The following HHIPL1 variants were observed in gnomAD, a reference collection of about 807,000 sequenced individuals.
HHIPL1 encodes HHIP like 1.
Under a neutral mutation model 61.8 loss-of-function variants are expected in HHIPL1, and 43 were observed. That is an observed-to-expected ratio of 0.70 (90% CI 0.55 to 0.90). The LOEUF (loss-of-function observed/expected upper bound fraction) is 0.90. Ranked by LOEUF, HHIPL1 falls within the 40% of genes least tolerant of loss-of-function variation. The probability of loss-of-function intolerance (pLI) is 0.00; values close to 1 mark genes in which losing one functional copy is unlikely to be tolerated. For synonymous variants in HHIPL1, 482 were observed against 515.8 expected, an observed-to-expected ratio of 0.93 and a Z score of 0.89; for missense variants, 1,056 against 1,157.7, an observed-to-expected ratio of 0.91 and a Z score of 1.28.
chr14:99,653,013 C>A, intron 2 of HHIPL1, 143 bp downstream of exon 2: 2 of 822,506 alleles, frequency 2.4e-6, no homozygotes, highest in Non-Finnish European at 3.7e-6. Flanking sequence ...GCTTTGGGGC[C>A]TGGAGAAGGA....
At chr14:99,641,420 CT>C (rs1202590976), upstream of HHIPL1, among the ~76,000 whole-genome samples, 172 of 139,998 alleles carry the variant, frequency 1.2e-3, no homozygotes, top group Middle Eastern at 7.8e-3. Flanking sequence ...CTTTTTCTTT[CT>C]TTTTTTTTTT....
upstream of HHIPL1, among the ~76,000 whole-genome samples, chr14:99,642,693 A>T (rs2055768472): frequency 6.6e-6 from 1 of 151,142 alleles, no homozygotes; most frequent in Non-Finnish European, 1.5e-5. Flanking sequence ...GCCCGGCTAA[A>T]TTTTGTATTT....
intron 6 of HHIPL1, among the ~76,000 whole-genome samples, chr14:99,663,853 C>T (rs1051218674): frequency 9.2e-5 from 14 of 152,196 alleles, no homozygotes; most frequent in Non-Finnish European, 8.8e-5. Flanking sequence ...GCCGGTTAGC[C>T]GGCCAGGAAG....
the HHIPL1 span, among the ~76,000 whole-genome samples, chr14:99,631,092 CTTTCTTTCTT>C: frequency 6.9e-6 from 1 of 144,984 alleles, no homozygotes; most frequent in Non-Finnish European, 1.5e-5. Context: ...TTCTTTCTTT[CTTTCTTTCTT>C]TCTTTCTCTC....
chr14:99,657,758 TAC>T (rs775247532), intron 3 of HHIPL1, among the ~76,000 whole-genome samples: 1 of 150,352 alleles, frequency 6.7e-6, no homozygotes, highest in Non-Finnish European at 1.5e-5. Flanking sequence ...CAAACACACA[TAC>T]ACACATGCAT....
the HHIPL1 span, among the ~76,000 whole-genome samples, chr14:99,626,525 G>A: frequency 2.0e-5 from 3 of 152,232 alleles, no homozygotes; most frequent in African/African-American, 7.2e-5. Context: ...GGAGGTCAGG[G>A]AGTCCAGTGC....
chr14:99,675,748 G>A lies in HHIPL1; in HGVS notation c.*122G>A. 1 of 1,019,222 alleles carries A rather than the reference G, an allele frequency of 9.8e-7. No homozygotes were observed. The highest frequency in any genetic ancestry group is 1.4e-6 in the Non-Finnish European group (1 of 728,746). The allele number at this position is 1,019,222 out of a possible 1,614,324, so 63.1% of individuals were successfully genotyped here. ...AGTGAAGGGGGTGCGGGTGTGTGCT[G>A]TCCTGGGGACATGTGTGAGGCGCTG... On this transcript the variant is annotated 3_prime_UTR_variant, in exon 9 of 9. Transcript: ENST00000330710. This position sits in a 1 kb window ranked among gnomAD's most constrained non-coding sequence, Gnocchi z 5.4.
intron 1 of HHIPL1, 146 bp from the exon 2 acceptor site, chr14:99,652,078 G>A: frequency 1.4e-6 from 1 of 694,950 alleles, no homozygotes; most frequent in South Asian, 1.9e-5. Context: ...TGTCACTGAG[G>A]CTTATCGTGG....
Position 99,668,216 on chromosome 14 carries a change from C to G in HHIPL1, c.1649-6C>G. ...GGTCTCACTAGTCACTTTGTTCTGT[C>G]CAAAGGGGAGCTGTACTTCATGTCG... On this transcript the variant is annotated splice_polypyrimidine_tract_variant and splice_region_variant and intron_variant, in intron 6 of 8. Transcript: ENST00000330710. This position sits in a 1 kb window ranked among gnomAD's most constrained non-coding sequence, Gnocchi z 4.7. The G allele has an allele frequency of 1.3e-6, 2 of 1,594,406 alleles. No individual in the cohort carries two copies. The highest frequency in any genetic ancestry group is 1.7e-6 in the Non-Finnish European group (2 of 1,162,088).
chr14:99,675,765 G>T lies in HHIPL1; in HGVS notation c.*139G>T. The T allele has an allele frequency of 1.2e-6, 1 of 855,744 alleles. No homozygotes were observed. The highest frequency in any genetic ancestry group is 2.0e-5 in the South Asian group (1 of 50,932). 53.0% of individuals were successfully genotyped at this position (855,744 alleles called of 1,614,324 possible). On this transcript the variant is annotated 3_prime_UTR_variant, in exon 9 of 9. Coordinates refer to ENST00000330710, the MANE Select transcript of HHIPL1 (RefSeq NM_001127258.3). The surrounding 1 kb of genome is among the most constrained non-coding windows in gnomAD (Gnocchi z 5.4). ...TGTGTGCTGTCCTGGGGACATGTGT[G>T]AGGCGCTGCAGTGCATGTGTGTCCT...
the HHIPL1 span, among the ~76,000 whole-genome samples, chr14:99,616,726 A>G: frequency 6.6e-6 from 1 of 152,200 alleles, no homozygotes; most frequent in African/African-American, 2.4e-5. Context: ...TTTAAATTAA[A>G]ATAATAAAAT....
Position 99,668,739 on chromosome 14 carries a change from C to T in HHIPL1, c.1730+436C>T, listed in dbSNP as rs527753624. On this transcript the variant is annotated intron_variant, in intron 7 of 8. Transcript: ENST00000330710. The surrounding 1 kb of genome is among the most constrained non-coding windows in gnomAD (Gnocchi z 4.7). Reference sequence around the variant, plus strand: ...CCCTGATCCCTGTGTGTCCCCGCCCCGTGCCTGCCCTTCCTCCTGTGGTCC... The same window carrying T: ...CCCTGATCCCTGTGTGTCCCCGCCCTGTGCCTGCCCTTCCTCCTGTGGTCC... The T allele has an allele frequency of 9.5e-6, 14 of 1,467,890 alleles. No homozygotes were observed. Among genetic ancestry groups the T allele is most frequent in the South Asian group, 3.5e-5 (3 of 85,134 alleles). The allele number at this position is 1,467,890 out of a possible 1,614,324, so 90.9% of individuals were successfully genotyped here.
intron 7 of HHIPL1, among the ~76,000 whole-genome samples, chr14:99,671,820 T>C (rs2056329427): frequency 6.6e-6 from 1 of 152,006 alleles, no homozygotes; most frequent in Admixed American, 6.6e-5. Context: ...GCCGCCCCCG[T>C]CCTTTAGGTG....
chr14:99,664,728 A>C (rs1030318851), intron 6 of HHIPL1, among the ~76,000 whole-genome samples: 2 of 152,094 alleles, frequency 1.3e-5, no homozygotes, highest in African/African-American at 4.8e-5. Context: ...AGAGACCAGG[A>C]AGGTGGCTCA....
chr14:99,678,614 G>A lies in HHIPL1; in HGVS notation c.*2988G>A, dbSNP rs1161821425. 6.6e-6 allele frequency: 1 copy of A among 152,204 alleles called. No individual in the cohort carries two copies. The highest frequency in any genetic ancestry group is 2.4e-5 in the African/African-American group (1 of 41,456). 9.4% of individuals were successfully genotyped at this position (152,204 alleles called of 1,614,324 possible). ...TCTAAATAGGTAAAAGTAATGGAAGGATAAAGGAAAAGAGGAAGTTGCTTA... is the reference window on the plus strand; with the variant it reads ...TCTAAATAGGTAAAAGTAATGGAAGAATAAAGGAAAAGAGGAAGTTGCTTA... On this transcript the variant is annotated 3_prime_UTR_variant, in exon 9 of 9. Coordinates refer to ENST00000330710, the MANE Select transcript of HHIPL1 (RefSeq NM_001127258.3).
At chr14:99,656,833 A>G (rs1345073423) in intron 2 of HHIPL1, among the ~76,000 whole-genome samples, 167 bp from the exon 3 acceptor site, 2 of 6,454 alleles carry the variant, frequency 3.1e-4, no homozygotes, top group African/African-American at 5.9e-4. Context: ...GAAAGAAAGA[A>G]AGAAAGGAAG....
chr14:99,625,971 G>A, the HHIPL1 span, among the ~76,000 whole-genome samples: 1 of 152,282 alleles, frequency 6.6e-6, no homozygotes, highest in Non-Finnish European at 1.5e-5. Flanking sequence ...GTCGTTGTGA[G>A]GATGAAGTGA....
chr14:99,610,787 T>C, the HHIPL1 span, among the ~76,000 whole-genome samples: 3 of 152,158 alleles, frequency 2.0e-5, no homozygotes, highest in Non-Finnish European at 4.4e-5. Flanking sequence ...TGATTTTGCA[T>C]GCTTTTGAAC....
the HHIPL1 span, among the ~76,000 whole-genome samples, chr14:99,637,212 GAAAGA>G: frequency 7.8e-3 from 829 of 105,840 alleles, 10 homozygotes; most frequent in South Asian, 0.017. Flanking sequence ...AAGAAAGAAA[GAAAGA>G]AAGAAAGAAA....
Sources: allele counts gnomAD v4.1 joint callset (sites outside exome capture counted in the v4.1 genomes callset), GRCh38; gene constraint gnomAD v4.1.1; non-coding constraint Gnocchi (gnomAD v3.1); transcripts MANE v1.5; gene names NCBI Gene and HGNC (gene_info 2026-07-23, HGNC 2026-07-21).